CELF1: variants seen among roughly 807,000 people sequenced by gnomAD.
CELF1 encodes 50 kDa nuclear polyadenylated RNA-binding protein.
CELF1 carries 10 observed loss-of-function variants against 61.8 expected under a neutral mutation model. The ratio of observed to expected loss-of-function variants is 0.16; its 90% CI spans 0.10 to 0.27. The LOEUF is 0.27. Ranked by LOEUF, CELF1 falls within the 10% of genes least tolerant of loss-of-function variation. CELF1 has a pLI of 1.00. For synonymous variants in CELF1, 236 were observed against 225.1 expected, an observed-to-expected ratio of 1.05 and a Z score of -0.43; for missense variants, 380 against 639.1, an observed-to-expected ratio of 0.59 and a Z score of 4.37.
At chr11:47,554,186 T>TG (rs1026489696), upstream of CELF1, among the ~76,000 whole-genome samples, 3 of 151,974 alleles carry the variant, frequency 2.0e-5, no homozygotes, top group South Asian at 2.1e-4. Flanking sequence ...CTTTCGCCTT[T>TG]GGGGGGGAAA....
At position 47,486,912 on chromosome 11, in the gene CELF1, T is replaced by C. The variant is rs1300391777; in HGVS notation, c.343-114A>G. 16 of 855,428 alleles carry C rather than the reference T, an allele frequency of 1.9e-5. No individual in the cohort carries two copies. The Admixed American group carries it at 3.3e-4, about 18-fold the overall frequency. The allele number at this position is 855,428 out of a possible 1,614,324, so 53.0% of individuals were successfully genotyped here. On this transcript the variant is annotated intron_variant, in intron 5 of 14. Coordinates refer to ENST00000687097, the MANE Select transcript of CELF1 (RefSeq NM_001376376.1). Reference sequence around the variant, plus strand: ...TTAAAGAGTTCTCTCTGAACTCATGTCTGCTTCATGATCTTTCCCCAGAAA... The same window carrying C: ...TTAAAGAGTTCTCTCTGAACTCATGCCTGCTTCATGATCTTTCCCCAGAAA...
chr11:47,487,405 G>C (rs1298742501), intron 4 of CELF1, among the ~76,000 whole-genome samples, 164 bp from the exon 5 acceptor site: 2 of 152,180 alleles, frequency 1.3e-5, no homozygotes, highest in African/African-American at 4.8e-5. Context: ...TCTAGCAGAG[G>C]AATAAGAGAT....
chr11:47,521,913 ATT>A (rs35862688), intron 1 of CELF1, among the ~76,000 whole-genome samples: 5 of 146,376 alleles, frequency 3.4e-5, no homozygotes, highest in African/African-American at 5.0e-5. Flanking sequence ...AGCTATGCTG[ATT>A]TTTTTTTTTT....
At chr11:47,476,347 A>G (rs2080125130) in intron 12 of CELF1, among the ~76,000 whole-genome samples, 1 of 152,190 alleles carries the variant, frequency 6.6e-6, no homozygotes, top group Non-Finnish European at 1.5e-5. Flanking sequence ...TTCAAAGATG[A>G]GAAAATGTCC....
chr11:47,487,134 C>A, intron 5 of CELF1, 25 bp downstream of exon 5: 1 of 1,559,686 alleles, frequency 6.4e-7, no homozygotes, highest in South Asian at 1.1e-5. Flanking sequence ...ACCACATTTC[C>A]ATTTACTAGT....
At chr11:47,559,845 T>C (rs2097220218) in intron 2 of CELF1, among the ~76,000 whole-genome samples, 1 of 151,534 alleles carries the variant, frequency 6.6e-6, no homozygotes, top group African/African-American at 2.4e-5. Flanking sequence ...CTACTAAAAA[T>C]ATAAAAATTA....
rs118037178 is a variant in CELF1 at position 47,499,773 on chromosome 11, G to C, written c.-81-169C>G. ...CAGCCCAGCACACAATGAAAGTGCT[G>C]ATGCGCCAGGCTTGTTTTGTGCAAT... is the stretch of plus-strand genomic sequence containing the variant. On this transcript the variant is annotated intron_variant, in intron 2 of 14. Coordinates refer to ENST00000687097, the MANE Select transcript of CELF1 (RefSeq NM_001376376.1). 1.4e-3 allele frequency: 656 copies of C among 477,066 alleles called. 12 individuals are homozygous for C. The East Asian group carries it at 0.021, about 15-fold the overall frequency. The allele number at this position is 477,066 out of a possible 1,614,324, so 29.6% of individuals were successfully genotyped here. A position where few individuals can be genotyped will look rare whatever the true frequency, so the allele number is the denominator to read the frequency against.
In CELF1 at chr11:47,549,406, A is replaced by C. The variant is rs150996215; in HGVS notation, c.-154+3586T>G. ...ATTAGCACTATTCACAATAGCCAAG[A>C]GGTAGCTGCAACCCAAAAGTCCATT... is the stretch of plus-strand genomic sequence containing the variant. On this transcript the variant is annotated intron_variant, in intron 1 of 14. Transcript: ENST00000687097. Among the ~76,000 whole-genome samples, 115 of 152,332 alleles carry C rather than the reference A, an allele frequency of 7.5e-4. 1 individual carries two copies. Among genetic ancestry groups the C allele is most frequent in the African/African-American group, 2.3e-3 (94 of 41,576 alleles).
chr11:47,514,706 A>AAAT (rs2095453895), intron 1 of CELF1: 1 of 152,018 alleles, frequency 6.6e-6, no homozygotes, highest in Non-Finnish European at 1.5e-5. Flanking sequence ...AAAAAAAAAA[A>AAAT]AAAAAATCAG....
At chr11:47,559,489 C>T (rs1032606299) in intron 2 of CELF1, among the ~76,000 whole-genome samples, 8 of 151,992 alleles carry the variant, frequency 5.3e-5, no homozygotes, top group Non-Finnish European at 1.2e-4. Flanking sequence ...TCCCAAGTAG[C>T]TGGGACTACA....
chr11:47,508,801 G>A (rs547955765), intron 1 of CELF1, among the ~76,000 whole-genome samples: 30 of 152,192 alleles, frequency 2.0e-4, no homozygotes, highest in African/African-American at 6.7e-4. Context: ...ACGGAGTTTC[G>A]CTCTTGTTGC....
chr11:47,507,892 A>C (rs1030065816), intron 1 of CELF1, among the ~76,000 whole-genome samples: 1 of 152,042 alleles, frequency 6.6e-6, no homozygotes. Context: ...TTTAAGGGCA[A>C]AGTTTAAACT....
At chr11:47,541,705 A>G (rs1263515256) in intron 1 of CELF1, among the ~76,000 whole-genome samples, 8 of 20,770 alleles carry the variant, frequency 3.9e-4, no homozygotes, top group African/African-American at 1.1e-3. Flanking sequence ...AAAGAAAGAA[A>G]GAAAGAAAGA....
At chr11:47,496,720 G>A (rs1038217898) in intron 3 of CELF1, among the ~76,000 whole-genome samples, 1 of 152,084 alleles carries the variant, frequency 6.6e-6, no homozygotes, top group African/African-American at 2.4e-5. Flanking sequence ...GGAAAAGTGG[G>A]ATAACATCAG....
At chr11:47,514,676 CA>C (rs2095448135) in intron 1 of CELF1, among the ~76,000 whole-genome samples, 1 of 118,144 alleles carries the variant, frequency 8.5e-6, no homozygotes, top group Admixed American at 1.2e-4. Flanking sequence ...GGCAACATAG[CA>C]AGACCCTATC....
chr11:47,535,608 G>A (rs61895110), intron 1 of CELF1, among the ~76,000 whole-genome samples: 6,802 of 150,402 alleles, frequency 0.045, 227 homozygotes, highest in Non-Finnish European at 0.07. Flanking sequence ...AACCCGGGGA[G>A]GTGGAGGTTG....
rs376361989 is a variant in CELF1, at chr11:47,475,533, G to A, written c.1088-12C>T. 1 of 1,613,500 alleles carries A rather than the reference G, an allele frequency of 6.2e-7. No homozygotes were observed. Among genetic ancestry groups the A allele is most frequent in the Non-Finnish European group, 8.5e-7 (1 of 1,179,778 alleles). ...TAAAGCAGCCATTCCTTGGTTGGAGGAAGAGAAGGATTAATATACTAGAAA... is the reference window on the plus strand; with the variant it reads ...TAAAGCAGCCATTCCTTGGTTGGAGAAAGAGAAGGATTAATATACTAGAAA... On this transcript the variant is annotated splice_polypyrimidine_tract_variant and intron_variant, in intron 12 of 14. Transcript: ENST00000687097.
chr11:47,506,905 A>C (rs2094547774), intron 1 of CELF1: 1 of 152,168 alleles, frequency 6.6e-6, no homozygotes, highest in Non-Finnish European at 1.5e-5. Flanking sequence ...ACTCTAAAAA[A>C]CCAAGGAAAG....
intron 9 of CELF1, among the ~76,000 whole-genome samples, chr11:47,481,099 C>T (rs11606305): frequency 0.09 from 5,443 of 60,170 alleles, 24 homozygotes; most frequent in Non-Finnish European, 0.12. Context: ...TTTTTTTCTT[C>T]TTCTTTTTTT....
Sources: gnomAD v4.1 joint callset for allele counts (sites outside exome capture counted in the v4.1 genomes callset) on GRCh38, gnomAD v4.1.1 for gene constraint, MANE v1.5 for transcripts, NCBI Gene and HGNC (gene_info 2026-07-23, HGNC 2026-07-21) for gene names.